MAMLD1: variants seen among roughly 807,000 people sequenced by gnomAD.
The protein encoded by MAMLD1 is mastermind-like domain-containing protein 1.
Under a neutral mutation model 45.0 loss-of-function variants are expected in MAMLD1, and 14 were observed. The ratio of observed to expected loss-of-function variants is 0.31; its 90% CI spans 0.21 to 0.49. The LOEUF (loss-of-function observed/expected upper bound fraction) is 0.49. MAMLD1 is among the 20% of genes least tolerant of loss of function. The pLI is 0.99. For synonymous variants in MAMLD1, 254 were observed against 247.8 expected (o/e 1.02, Z -0.24); for missense variants, 543 against 603.6 (o/e 0.90, Z 1.05).
intron 5 of MAMLD1, among the ~76,000 whole-genome samples, chrX:150,485,101 CCAAA>C (rs2036945371): frequency 1.8e-5 from 2 of 110,920 alleles, no homozygotes; most frequent in Non-Finnish European, 3.8e-5. Flanking sequence ...CTCCTCTTTT[CCAAA>C]CAATCTACTT....
At chrX:150,452,094 T>C (rs1239563788) in intron 2 of MAMLD1, among the ~76,000 whole-genome samples, 13 of 112,070 alleles carry the variant, frequency 1.2e-4, no homozygotes, top group Non-Finnish European at 1.9e-4. Context: ...CTGCTGTTCA[T>C]CTTGGCCAGA....
rs950302914 is a variant in MAMLD1 at position 150,379,943 on chromosome X, T to G, written c.-64+16413T>G. Reference sequence around the variant, plus strand: ...CAACCAACCTCCTATGTGTAGCCATTTAGATTGTTTCCAATATTTTGCAAT... The same window carrying G: ...CAACCAACCTCCTATGTGTAGCCATGTAGATTGTTTCCAATATTTTGCAAT... On this transcript the variant is annotated intron_variant, in intron 1 of 7. Transcript: ENST00000370401. 3.6e-5 allele frequency among the ~76,000 whole-genome samples: 4 copies of G among 112,573 alleles called. No homozygotes were observed. In the East Asian group the frequency reaches 1.1e-3, roughly 31 times the overall value.
intron 2 of MAMLD1, among the ~76,000 whole-genome samples, chrX:150,462,104 C>T (rs1321063797): frequency 8.9e-6 from 1 of 112,050 alleles, no homozygotes; most frequent in African/African-American, 3.3e-5. Context: ...AGGGCTTTGT[C>T]ATCAGAAAAT....
intron 4 of MAMLD1, 26 bp downstream of exon 4, chrX:150,471,516 G>T (rs1557406573): frequency 8.3e-7 from 1 of 1,211,806 alleles, no homozygotes; most frequent in Non-Finnish European, 1.1e-6. Context: ...ATCTGGCTGT[G>T]TTCTTTTGTT....
intron 5 of MAMLD1, among the ~76,000 whole-genome samples, chrX:150,487,958 A>T (rs1557407719): frequency 2.7e-5 from 3 of 113,058 alleles, no homozygotes; most frequent in African/African-American, 9.6e-5. Flanking sequence ...AGCAGATTCC[A>T]GTCACAGTAT....
rs1307552383 is a variant in MAMLD1, at chrX:150,509,824, C to G, written c.2285-138C>G. On this transcript the variant is annotated intron_variant, in intron 6 of 7. Transcript: ENST00000370401. ...ATTTTGCTCGAGAGGGTGGGGCATG[C>G]ATGCGAGTGTATGCTGGTGTGTTTA... The G allele has an allele frequency of 9.5e-6, 5 of 525,023 alleles. No individual in the cohort carries two copies. The African/African-American group carries it at 1.2e-4, about 12-fold the overall frequency. 43.3% of individuals were successfully genotyped at this position (525,023 alleles called of 1,213,427 possible).
intron 1 of MAMLD1, among the ~76,000 whole-genome samples, chrX:150,422,772 C>A (rs138667409): frequency 9.0e-6 from 1 of 111,727 alleles, no homozygotes; most frequent in South Asian, 3.7e-4. Flanking sequence ...GGATTCTAAC[C>A]AAGCTTTGCT....
intron 1 of MAMLD1, among the ~76,000 whole-genome samples, chrX:150,390,708 CGT>C (rs2033138941): frequency 8.9e-6 from 1 of 111,930 alleles, no homozygotes; most frequent in Non-Finnish European, 1.9e-5. Context: ...TTAATAAACT[CGT>C]GAGAAAAATA....
chrX:150,454,481 A>G (rs1177088031), intron 2 of MAMLD1, among the ~76,000 whole-genome samples: 4 of 112,232 alleles, frequency 3.6e-5, no homozygotes, highest in Non-Finnish European at 7.5e-5. Context: ...TATTGGCAGC[A>G]TATTAACAAA....
chrX:150,511,318 G>T (rs941763368), intron 7 of MAMLD1, among the ~76,000 whole-genome samples: 1 of 111,731 alleles, frequency 9.0e-6, no homozygotes, highest in East Asian at 2.8e-4. Context: ...CTTCTGCTCC[G>T]TGTCTCTCCA....
intron 1 of MAMLD1, among the ~76,000 whole-genome samples, chrX:150,382,096 T>C (rs1176897283): frequency 9.0e-6 from 1 of 111,615 alleles, no homozygotes; most frequent in African/African-American, 3.3e-5. Flanking sequence ...TTTTCTCTAA[T>C]ATTTTTTAAG....
At chrX:150,497,435 C>A (rs1425086923) in intron 5 of MAMLD1, among the ~76,000 whole-genome samples, 1 of 109,088 alleles carries the variant, frequency 9.2e-6, no homozygotes, top group Non-Finnish European at 1.9e-5. Context: ...AGGCACGCAC[C>A]ACCATGCCCG....
chrX:150,463,870 C>G (rs1411290220), intron 3 of MAMLD1, among the ~76,000 whole-genome samples: 1 of 111,232 alleles, frequency 9.0e-6, no homozygotes, highest in Non-Finnish European at 1.9e-5. Context: ...TCAGTGCTGT[C>G]AGGACTAAGC....
intron 5 of MAMLD1, among the ~76,000 whole-genome samples, chrX:150,498,661 A>G (rs1216301614): frequency 1.8e-5 from 2 of 112,812 alleles, no homozygotes; most frequent in Admixed American, 1.9e-4. Flanking sequence ...ACCATATTGA[A>G]CAGCACAGCT....
At chrX:150,434,724 A>G (rs1262455249) in intron 1 of MAMLD1, among the ~76,000 whole-genome samples, 1 of 112,330 alleles carries the variant, frequency 8.9e-6, no homozygotes, top group African/African-American at 3.2e-5. Context: ...TATGATTTTG[A>G]GAAATTTTTA....
intron 1 of MAMLD1, among the ~76,000 whole-genome samples, chrX:150,392,878 C>T (rs1368994846): frequency 1.8e-5 from 2 of 109,906 alleles, no homozygotes; most frequent in African/African-American, 6.7e-5. Context: ...ATGTGCATAG[C>T]CTCCCCCCTC....
At chrX:150,413,330 G>A (rs944922845) in intron 1 of MAMLD1, among the ~76,000 whole-genome samples, 4 of 111,260 alleles carry the variant, frequency 3.6e-5, no homozygotes, top group Non-Finnish European at 7.5e-5. Flanking sequence ...GAAATGCAAT[G>A]ATGGAAGCTC....
In MAMLD1 at chrX:150,506,972, C is replaced by T. The variant is rs781906618; in HGVS notation, c.2285-2990C>T. Among the ~76,000 whole-genome samples, 8 of 112,402 alleles carry T rather than the reference C, an allele frequency of 7.1e-5. No homozygotes were observed. The South Asian group carries it at 3.0e-3, about 42-fold the overall frequency. ...GCTGAGACTGTCTGTGAATGTGGTC[C>T]CTTGTCTGACAGTGGGGGCTGGGAG... On this transcript the variant is annotated intron_variant, in intron 6 of 7. Coordinates refer to ENST00000370401, the MANE Select transcript of MAMLD1 (RefSeq NM_005491.5).
intron 1 of MAMLD1, among the ~76,000 whole-genome samples, chrX:150,414,909 A>G (rs2034211689): frequency 9.0e-6 from 1 of 111,665 alleles, no homozygotes; most frequent in Non-Finnish European, 1.9e-5. Context: ...AGCTCAGTTC[A>G]TATCAGTCAT....
Sources: allele counts gnomAD v4.1 joint callset (sites outside exome capture counted in the v4.1 genomes callset), GRCh38; gene constraint gnomAD v4.1.1; transcripts MANE v1.5; gene names NCBI Gene and HGNC (gene_info 2026-07-23, HGNC 2026-07-21).